The following TENT5D variants were observed in gnomAD, a reference collection of about 807,000 sequenced individuals.
TENT5D encodes cancer/testis antigen 112.
For synonymous variants in TENT5D, 103 were observed against 100.6 expected, an observed-to-expected ratio of 1.02 and a Z score of -0.15; for missense variants, 191 against 287.0, an observed-to-expected ratio of 0.67 and a Z score of 2.42.
intron 3 of TENT5D, among the ~76,000 whole-genome samples, chrX:80,369,941 A>C (rs1353900075): frequency 2.7e-5 from 3 of 109,987 alleles, no homozygotes; most frequent in Non-Finnish European, 5.7e-5. Context: ...TTTTTTAGAG[A>C]GACGCTCTTG....
In TENT5D at chrX:80,338,784, A is replaced by G. The variant is rs1246460456; in HGVS notation, c.-207+3068A>G. On this transcript the variant is annotated intron_variant, in intron 2 of 4. Transcript: ENST00000538312. ...GAGAGCATAGTGTCATATTTCTCAAACTTTGATGTCCTTTTTAAAAATGCA... is the reference window on the plus strand; with the variant it reads ...GAGAGCATAGTGTCATATTTCTCAAGCTTTGATGTCCTTTTTAAAAATGCA... Among the ~76,000 whole-genome samples, 4 of 112,081 alleles carry G rather than the reference A, an allele frequency of 3.6e-5. No individual in the cohort carries two copies. In the Admixed American group the frequency reaches 3.8e-4, roughly 11 times the overall value.
chrX:80,443,163 T>C, exon 3 of TENT5D: 1 of 1,209,458 alleles, frequency 8.3e-7, no homozygotes, highest in Non-Finnish European at 1.1e-6. Flanking sequence ...AAAGCATGTA[T>C]GGAGACTTCC....
intron 3 of TENT5D, among the ~76,000 whole-genome samples, chrX:80,407,100 G>A (rs1931515748): frequency 3.7e-5 from 4 of 108,848 alleles, no homozygotes; most frequent in Admixed American, 3.0e-4. Context: ...CTTGAAGGAA[G>A]CACTAAACAT....
At chrX:80,418,772 T>C (rs1285355094), upstream of TENT5D, among the ~76,000 whole-genome samples, 1 of 112,086 alleles carries the variant, frequency 8.9e-6, no homozygotes. Context: ...ATATCTGATA[T>C]ATGTATTTTA....
intron 3 of TENT5D, among the ~76,000 whole-genome samples, chrX:80,356,573 C>T (rs1211894672): frequency 9.0e-6 from 1 of 111,150 alleles, no homozygotes; most frequent in African/African-American, 3.3e-5. Flanking sequence ...TTAGAACACC[C>T]TTCTTGTTAG....
rs1931222585 is a variant in TENT5D at position 80,395,469 on chromosome X, T to G, written c.-141-43141T>G. Among the ~76,000 whole-genome samples the G allele has an allele frequency of 1.8e-5, 2 of 112,086 alleles. 1 individual carries two copies. Among genetic ancestry groups the G allele is most frequent in the Admixed American group, 1.9e-4 (2 of 10,596 alleles). On this transcript the variant is annotated intron_variant, in intron 3 of 4. Coordinates refer to the TENT5D transcript ENST00000538312. Reference sequence around the variant, plus strand: ...CTGTTTTTTATAATAGCTGTGCTAATTAATATTCTCACCAACAGTGTGTGT... The same window carrying G: ...CTGTTTTTTATAATAGCTGTGCTAAGTAATATTCTCACCAACAGTGTGTGT...
intron 1 of TENT5D, among the ~76,000 whole-genome samples, chrX:80,426,890 G>C (rs1184092694): frequency 1.8e-5 from 2 of 111,556 alleles, no homozygotes. Context: ...CCCAGGGAGA[G>C]GTAACTGAAT....
At chrX:80,343,391 CTTT>C (rs775221687) in intron 3 of TENT5D, among the ~76,000 whole-genome samples, 1 of 83,371 alleles carries the variant, frequency 1.2e-5, no homozygotes, top group Non-Finnish European at 2.4e-5. Flanking sequence ...CATTTTATTT[CTTT>C]TTTTTTTTTT....
chrX:80,425,109 C>T (rs772311843), intron 1 of TENT5D, among the ~76,000 whole-genome samples: 2 of 112,528 alleles, frequency 1.8e-5, no homozygotes, highest in East Asian at 5.6e-4. Context: ...AAACCCTTGG[C>T]AAAACACCAG....
intron 1 of TENT5D, among the ~76,000 whole-genome samples, chrX:80,420,800 G>C (rs1247264930): frequency 1.8e-5 from 2 of 111,653 alleles, no homozygotes; most frequent in Non-Finnish European, 3.8e-5. Context: ...TTCTGAACTA[G>C]CTCAAGAGTA....
intron 1 of TENT5D, among the ~76,000 whole-genome samples, chrX:80,433,256 G>A (rs1023947866): frequency 4.5e-5 from 5 of 112,076 alleles, no homozygotes; most frequent in African/African-American, 6.5e-5. Flanking sequence ...AAGAACAAAG[G>A]CATTTCTATG....
chrX:80,366,850 ATTCT>A (rs1930520939), intron 3 of TENT5D, among the ~76,000 whole-genome samples: 1 of 111,606 alleles, frequency 9.0e-6, no homozygotes, highest in Non-Finnish European at 1.9e-5. Context: ...CTACTATACA[ATTCT>A]GCTTTTAATC....
chrX:80,424,640 TATG>T lies in TENT5D; in HGVS notation c.-142+4080_-142+4082del, dbSNP rs1931954640. On this transcript the variant is annotated intron_variant, in intron 1 of 2. Coordinates refer to ENST00000308293, the Ensembl canonical transcript of TENT5D. ...TGAGACTAGAAATTAATGACAGCTG[TATG>T]ATAACTTTTGAAACATAATTTTTTC... Among the ~76,000 whole-genome samples, 2 of 112,504 alleles carry T rather than the reference TATG, an allele frequency of 1.8e-5. 1 individual carries two copies. The highest frequency in any genetic ancestry group is 8.4e-3 in the Middle Eastern group (2 of 238).
At chrX:80,404,507 GC>G (rs1407915100) in intron 3 of TENT5D, among the ~76,000 whole-genome samples, 1 of 111,718 alleles carries the variant, frequency 9.0e-6, no homozygotes, top group African/African-American at 3.3e-5. Flanking sequence ...GTATCAGTGT[GC>G]CTTTGATATT....
chrX:80,339,765 T>C (rs1210794060), intron 2 of TENT5D, among the ~76,000 whole-genome samples: 1 of 110,056 alleles, frequency 9.1e-6, no homozygotes, highest in Non-Finnish European at 1.9e-5. Context: ...AAAATAAATC[T>C]ACATGTTTAC....
intron 1 of TENT5D, among the ~76,000 whole-genome samples, chrX:80,427,560 T>C (rs1932009536): frequency 8.9e-6 from 1 of 111,881 alleles, no homozygotes; most frequent in Non-Finnish European, 1.9e-5. Context: ...TCCAAGGGCT[T>C]ATCCTTTTTC....
exon 2 of TENT5D, chrX:80,438,673 A>T (rs1932227850): frequency 9.1e-6 from 1 of 110,398 alleles, no homozygotes; most frequent in East Asian, 2.9e-4. Context: ...TCACTGAAGG[A>T]TCTACTGAAT....
intron 3 of TENT5D, among the ~76,000 whole-genome samples, chrX:80,358,841 T>C (rs776860588): frequency 4.5e-5 from 5 of 111,983 alleles, no homozygotes; most frequent in Non-Finnish European, 9.4e-5. Flanking sequence ...TTTGCAGCAC[T>C]GGCTCTAAGT....
rs1305396206 is a variant in TENT5D, at chrX:80,397,483, C to T, written c.-141-41127C>T. The stretch of plus-strand genomic sequence containing the variant: ...GCAGAGGGGCTCCTCACGTCCCAGA[C>T]GATGGGCGGCCAGGCAGAGACGCTC... On this transcript the variant is annotated intron_variant, in intron 3 of 4. Coordinates refer to the TENT5D transcript ENST00000538312. Among the ~76,000 whole-genome samples the T allele has an allele frequency of 3.3e-3, 345 of 103,828 alleles. 1 individual carries two copies. Among genetic ancestry groups the T allele is most frequent in the Middle Eastern group, 0.011 (2 of 177 alleles). 90.2% of individuals were successfully genotyped at this position (103,828 alleles called of 115,157 possible). A position where few individuals can be genotyped will look rare whatever the true frequency, so the allele number is the denominator to read the frequency against.
Sources: allele counts gnomAD v4.1 joint callset (sites outside exome capture counted in the v4.1 genomes callset), GRCh38; gene constraint gnomAD v4.1.1; transcripts MANE v1.5; gene names NCBI Gene and HGNC (gene_info 2026-07-23, HGNC 2026-07-21).